The following PHACTR3 variants were observed in gnomAD, a reference collection of about 807,000 sequenced individuals.
The protein encoded by PHACTR3 is phosphatase and actin regulator 3.
PHACTR3 carries 16 observed loss-of-function variants against 66.8 expected under a neutral mutation model. The observed-to-expected ratio is 0.24, with a 90% confidence interval of 0.16 to 0.36. The LOEUF (loss-of-function observed/expected upper bound fraction) is 0.36. PHACTR3 is among the 10% of genes least tolerant of loss of function. The pLI is 1.00. For missense variants in PHACTR3, 647 were observed against 719.9 expected (o/e 0.90, Z 1.16); for synonymous variants, 323 against 292.1 (o/e 1.11, Z -1.08).
chr20:59,609,318 G>T (rs1318162892), intron 1 of PHACTR3, among the ~76,000 whole-genome samples: 1 of 152,076 alleles, frequency 6.6e-6, no homozygotes, highest in Non-Finnish European at 1.5e-5. Context: ...ACAGGTGTGG[G>T]CTTGTGCTGA....
chr20:59,750,818 CACCTGTAATCA>C (rs144850012), intron 3 of PHACTR3, among the ~76,000 whole-genome samples: 7,321 of 152,152 alleles, frequency 0.048, 248 homozygotes, highest in African/African-American at 0.096. Context: ...TACTGTGTGC[CACCTGTAATCA>C]ACCTGTAATC....
At chr20:59,791,733 C>A (rs2146958009) in intron 7 of PHACTR3, among the ~76,000 whole-genome samples, 1 of 123,152 alleles carries the variant, frequency 8.1e-6, no homozygotes, top group Non-Finnish European at 1.7e-5. Context: ...GCTATCCCTC[C>A]CCCACCCCCC....
At chr20:59,664,323 C>T (rs1020122235) in intron 1 of PHACTR3, among the ~76,000 whole-genome samples, 8 of 152,156 alleles carry the variant, frequency 5.3e-5, no homozygotes, top group African/African-American at 1.9e-4. Context: ...TGGCCATATC[C>T]TTGTTCCTTG....
intron 1 of PHACTR3, among the ~76,000 whole-genome samples, chr20:59,609,515 A>T (rs2033785723): frequency 9.2e-6 from 1 of 108,400 alleles, no homozygotes; most frequent in Admixed American, 1.4e-4. Context: ...TTTAGCTCCT[A>T]CCTTCCCTTT....
chr20:59,667,644 AC>A (rs2036038214), intron 1 of PHACTR3, among the ~76,000 whole-genome samples: 1 of 152,196 alleles, frequency 6.6e-6, no homozygotes, highest in Non-Finnish European at 1.5e-5. Context: ...TGATTTCATC[AC>A]AACTCACCAG....
intron 1 of PHACTR3, among the ~76,000 whole-genome samples, chr20:59,687,383 T>C (rs2036943690): frequency 6.6e-6 from 1 of 151,654 alleles, no homozygotes; most frequent in Middle Eastern, 3.4e-3. Context: ...TGGAATAGAG[T>C]GGAATTAAAG....
intron 4 of PHACTR3, among the ~76,000 whole-genome samples, chr20:59,765,409 A>G (rs922651117): frequency 9.2e-5 from 14 of 152,220 alleles, no homozygotes; most frequent in African/African-American, 3.4e-4. Context: ...GGCCAACTTC[A>G]TAACACAGAG....
intron 1 of PHACTR3, among the ~76,000 whole-genome samples, chr20:59,707,487 GTC>G: frequency 7.1e-6 from 1 of 140,094 alleles, no homozygotes; most frequent in Middle Eastern, 4.0e-3. Flanking sequence ...TTGAGGCGGA[GTC>G]TCTCTCTGTC....
Position 59,830,190 on chromosome 20 carries a change from GGAAGAGGGTATGAGTGTCTGATA to G in PHACTR3, c.1329-6306_1329-6284del, listed in dbSNP as rs796939025. Among the ~76,000 whole-genome samples, 1 of 137,256 alleles carries G rather than the reference GGAAGAGGGTATGAGTGTCTGATA, an allele frequency of 7.3e-6. No individual in the cohort carries two copies. Among genetic ancestry groups the G allele is most frequent in the Non-Finnish European group, 1.5e-5 (1 of 65,216 alleles). The allele number at this position is 137,256 out of a possible 152,430, so 90.0% of individuals were successfully genotyped here. A position where few individuals can be genotyped will look rare whatever the true frequency, so the allele number is the denominator to read the frequency against. Reference sequence around the variant, plus strand: ...GTGGAAGAGGGTGTGCGTGTCTGATGGAAGAGGGTATGAGTGTCTGATAGAAGAGGGCGTGAGTGTCTGATGGA... The same window carrying G: ...GTGGAAGAGGGTGTGCGTGTCTGATGGAAGAGGGCGTGAGTGTCTGATGGA... On this transcript the variant is annotated intron_variant, in intron 8 of 12. Coordinates refer to ENST00000371015, the MANE Select transcript of PHACTR3 (RefSeq NM_080672.5). The surrounding 1 kb of genome is among the most constrained non-coding windows in gnomAD (Gnocchi z 5.8).
intron 1 of PHACTR3, among the ~76,000 whole-genome samples, chr20:59,594,699 A>G (rs995167302): frequency 1.3e-5 from 2 of 152,208 alleles, no homozygotes; most frequent in African/African-American, 4.8e-5. Flanking sequence ...TAAGCTGGCT[A>G]CAGACTTAAC....
intron 5 of PHACTR3, among the ~76,000 whole-genome samples, chr20:59,770,830 C>T (rs550124689): frequency 6.6e-5 from 10 of 152,302 alleles, no homozygotes; most frequent in Non-Finnish European, 1.2e-4. Context: ...TCCCTTTTAC[C>T]TCTCCTTTAC....
At chr20:59,751,622 G>A (rs1045099374) in intron 3 of PHACTR3, among the ~76,000 whole-genome samples, 1 of 152,098 alleles carries the variant, frequency 6.6e-6, no homozygotes, top group Non-Finnish European at 1.5e-5. Context: ...GCATGAGTTT[G>A]CTCCCTCTGG....
At chr20:59,808,877 C>A (rs547794858) in intron 8 of PHACTR3, among the ~76,000 whole-genome samples, 1 of 152,176 alleles carries the variant, frequency 6.6e-6, no homozygotes, top group Non-Finnish European at 1.5e-5. Context: ...GTGGAGGGGC[C>A]GTCCCGTGTG....
At chr20:59,591,903 G>T (rs537959971) in intron 1 of PHACTR3, among the ~76,000 whole-genome samples, 13 of 152,042 alleles carry the variant, frequency 8.6e-5, no homozygotes, top group African/African-American at 2.9e-4. Context: ...AGCTTCTCTC[G>T]CCCCTCAACT....
intron 1 of PHACTR3, among the ~76,000 whole-genome samples, chr20:59,582,205 T>A (rs1249205077): frequency 6.6e-6 from 1 of 152,212 alleles, no homozygotes; most frequent in Non-Finnish European, 1.5e-5. Context: ...AAGCATGTGC[T>A]TTTTAAAGAA....
At chr20:59,735,577 A>T (rs572552498) in intron 1 of PHACTR3, among the ~76,000 whole-genome samples, 2 of 152,200 alleles carry the variant, frequency 1.3e-5, no homozygotes, top group African/African-American at 4.8e-5. Flanking sequence ...AAAATACCTG[A>T]TGTCACTAAA....
At chr20:59,709,144 G>A (rs2037822664) in intron 1 of PHACTR3, among the ~76,000 whole-genome samples, 1 of 152,226 alleles carries the variant, frequency 6.6e-6, no homozygotes, top group African/African-American at 2.4e-5. Context: ...ACAACGTTCA[G>A]TCTCTTTTAT....
At chr20:59,747,260 G>A (rs1477874248) in intron 2 of PHACTR3, among the ~76,000 whole-genome samples, 2 of 152,228 alleles carry the variant, frequency 1.3e-5, no homozygotes, top group Non-Finnish European at 2.9e-5. Context: ...TTTAACCTGG[G>A]TTTATTGGAA....
chr20:59,807,958 C>T (rs1255833187), intron 8 of PHACTR3, among the ~76,000 whole-genome samples: 1 of 152,148 alleles, frequency 6.6e-6, no homozygotes, highest in East Asian at 1.9e-4. Flanking sequence ...CTGTGTTGCA[C>T]CCCCATAAGT....
Sources: allele counts gnomAD v4.1 joint callset (sites outside exome capture counted in the v4.1 genomes callset), GRCh38; gene constraint gnomAD v4.1.1; non-coding constraint Gnocchi (gnomAD v3.1); transcripts MANE v1.5; gene names NCBI Gene and HGNC (gene_info 2026-07-23, HGNC 2026-07-21).